Variants in DDX50 observed in about 807,000 individuals in gnomAD.
The protein encoded by DDX50 is ATP-dependent RNA helicase DDX50.
Under a neutral mutation model 94.8 loss-of-function variants are expected in DDX50, and 56 were observed. The observed-to-expected ratio is 0.59, with a 90% confidence interval of 0.48 to 0.74. The LOEUF is 0.74. Among genes scored for constraint, DDX50 ranks in the 30% least tolerant of loss-of-function variants. The pLI, the probability that DDX50 is intolerant of heterozygous loss-of-function variation, is 0.00. For missense variants in DDX50, 713 were observed against 881.2 expected, an observed-to-expected ratio of 0.81 and a Z score of 2.42; for synonymous variants, 264 against 295.4, an observed-to-expected ratio of 0.89 and a Z score of 1.09.
At chr10:68,919,219 A>G (rs1047869994) in intron 7 of DDX50, among the ~76,000 whole-genome samples, 1 of 152,232 alleles carries the variant, frequency 6.6e-6, no homozygotes, top group Admixed American at 6.5e-5. Flanking sequence ...TAATCATACA[A>G]TATGTGACTT....
intron 12 of DDX50, among the ~76,000 whole-genome samples, chr10:68,940,833 T>A (rs1356069266): frequency 1.3e-5 from 2 of 152,198 alleles, no homozygotes; most frequent in Non-Finnish European, 2.9e-5. Context: ...TAAAGCATAA[T>A]GGTTAGAATT....
At position 68,934,977 on chromosome 10, in the gene DDX50, C is replaced by A; in HGVS notation, c.1521+59C>A. ...CTAAATGGTGCCTTAAAAGAGAGCT[C>A]TTCTTATATTTATTCTTACAAGTAG... On this transcript the variant is annotated intron_variant, in intron 10 of 14. Coordinates refer to ENST00000373585, the MANE Select transcript of DDX50 (RefSeq NM_024045.2). The surrounding 1 kb of genome is among the most constrained non-coding windows in gnomAD (Gnocchi z 4.0). The A allele has an allele frequency of 6.5e-7, 1 of 1,534,134 alleles. No individual in the cohort carries two copies. Among genetic ancestry groups the A allele is most frequent in the Non-Finnish European group, 8.8e-7 (1 of 1,141,966 alleles).
intron 7 of DDX50, among the ~76,000 whole-genome samples, chr10:68,915,290 G>A (rs1045302725): frequency 5.3e-5 from 8 of 151,752 alleles, no homozygotes; most frequent in African/African-American, 1.9e-4. Flanking sequence ...GCGGGCGCCT[G>A]TAGTTCCAGC....
At chr10:68,943,367 G>C in intron 14 of DDX50, 110 bp downstream of exon 14, 2 of 847,244 alleles carry the variant, frequency 2.4e-6, no homozygotes, top group Admixed American at 5.9e-5. Flanking sequence ...AAATCAATGA[G>C]GAATTCCTTA....
At chr10:68,905,459 G>C (rs1841420167) in intron 1 of DDX50, among the ~76,000 whole-genome samples, 2 of 152,030 alleles carry the variant, frequency 1.3e-5, no homozygotes, top group Admixed American at 1.3e-4. Flanking sequence ...CCTGTGAATT[G>C]TCAAAGTGCA....
At chr10:68,943,133 A>T in intron 13 of DDX50, 80 bp from the exon 14 acceptor site, 2 of 1,225,730 alleles carry the variant, frequency 1.6e-6, no homozygotes, top group Non-Finnish European at 1.2e-6. Flanking sequence ...GCAGCCACTG[A>T]GTCATGCATT....
intron 14 of DDX50, among the ~76,000 whole-genome samples, chr10:68,946,042 T>A (rs1842663083): frequency 6.6e-6 from 1 of 151,938 alleles, no homozygotes; most frequent in African/African-American, 2.4e-5. Flanking sequence ...GAATAGAATG[T>A]ATATTTAGAA....
chr10:68,916,092 A>G (rs1841782260), intron 7 of DDX50, among the ~76,000 whole-genome samples: 1 of 152,210 alleles, frequency 6.6e-6, no homozygotes, highest in South Asian at 2.1e-4. Context: ...GTGGTAGCTC[A>G]TGCCTGTAAT....
intron 7 of DDX50, among the ~76,000 whole-genome samples, chr10:68,919,211 A>G (rs1033877719): frequency 2.0e-5 from 3 of 152,228 alleles, no homozygotes; most frequent in Non-Finnish European, 4.4e-5. Flanking sequence ...TGTAAATGTA[A>G]TCATACAATA....
chr10:68,917,640 G>A (rs759194095), intron 7 of DDX50, among the ~76,000 whole-genome samples: 37 of 152,024 alleles, frequency 2.4e-4, no homozygotes, highest in Non-Finnish European at 5.0e-4. Context: ...TTGCTCTGTC[G>A]CCCCGGCTGC....
chr10:68,934,890 G>A lies in DDX50; in HGVS notation c.1493G>A (p.Gly498Asp). Residue 498 changes from glycine (G) to aspartate (D), a missense_variant, in exon 10 of 15, where the codon GGT becomes GAT. Gly to Asp is a moderately conservative substitution (Grantham distance 94, BLOSUM62 -1). This residue lies in a region of DDX50 where 428 missense variants were observed against 602.3 expected (regional missense o/e 0.71). Transcript: ENST00000373585. This position sits in a 1 kb window ranked among gnomAD's most constrained non-coding sequence, Gnocchi z 4.0. ...CICFYQPRER[G>D]QLRYVEQKAG... ...TGTTTTTATCAACCAAGAGAAAGAG[G>A]TCAACTAAGATATGTGGAACAAAAA... is the stretch of plus-strand genomic sequence containing the variant. The A allele has an allele frequency of 6.2e-7, 1 of 1,612,860 alleles. No homozygotes were observed.
chr10:68,923,647 G>A (rs1308917626), intron 8 of DDX50, among the ~76,000 whole-genome samples: 1 of 151,672 alleles, frequency 6.6e-6, no homozygotes, highest in Non-Finnish European at 1.5e-5. Context: ...AGGTTCAAGC[G>A]ATTCTTATGG....
At chr10:68,941,524 A>C (rs559553701) in intron 13 of DDX50, among the ~76,000 whole-genome samples, 19 of 152,136 alleles carry the variant, frequency 1.2e-4, no homozygotes, top group Middle Eastern at 3.4e-3. Flanking sequence ...AGGTCTCACT[A>C]TTTGCCCAGG....
chr10:68,904,741 T>C (rs898050089), intron 1 of DDX50, among the ~76,000 whole-genome samples: 1 of 152,214 alleles, frequency 6.6e-6, no homozygotes, highest in Non-Finnish European at 1.5e-5. Context: ...CCAGAAGCAA[T>C]TCAAGCCCCA....
intron 8 of DDX50, among the ~76,000 whole-genome samples, chr10:68,923,221 A>AT (rs71031806): frequency 0.95 from 135,388 of 142,034 alleles, 64,566 homozygotes; most frequent in East Asian, 1. Flanking sequence ...TATATATTTT[A>AT]TTTTTTTTTC....
At chr10:68,915,610 G>A (rs1252770744) in intron 7 of DDX50, among the ~76,000 whole-genome samples, 2 of 151,700 alleles carry the variant, frequency 1.3e-5, no homozygotes, top group East Asian at 3.9e-4. Flanking sequence ...CAGCTACTTA[G>A]GAGGCTAAGG....
intron 2 of DDX50, 118 bp downstream of exon 2, chr10:68,907,125 T>C: frequency 5.0e-6 from 5 of 1,006,906 alleles, no homozygotes; most frequent in Non-Finnish European, 5.7e-6. Flanking sequence ...CTAGTATTCT[T>C]AGTTGCACTA....
intron 8 of DDX50, among the ~76,000 whole-genome samples, chr10:68,929,470 G>C (rs1842192508): frequency 6.7e-6 from 1 of 149,608 alleles, no homozygotes; most frequent in African/African-American, 2.5e-5. Context: ...TTGTTGCCCA[G>C]GCTGGAGTGC....
chr10:68,930,744 C>T (rs962862556), intron 8 of DDX50, among the ~76,000 whole-genome samples: 1 of 152,190 alleles, frequency 6.6e-6, no homozygotes, highest in Non-Finnish European at 1.5e-5. Flanking sequence ...GCCTCAACTG[C>T]GTGGGCCAAA....
Sources: allele counts gnomAD v4.1 joint callset (sites outside exome capture counted in the v4.1 genomes callset), GRCh38; gene constraint gnomAD v4.1.1; regional missense constraint gnomAD v4.1.1; non-coding constraint Gnocchi (gnomAD v3.1); transcripts MANE v1.5; gene names NCBI Gene and HGNC (gene_info 2026-07-23, HGNC 2026-07-21).